Variants in ROBO1 observed in about 807,000 individuals in gnomAD.
ROBO1 encodes roundabout homolog 1.
Under a neutral mutation model 195.9 loss-of-function variants are expected in ROBO1, and 149 were observed. The ratio of observed to expected loss-of-function variants is 0.76; its 90% CI spans 0.67 to 0.87. The LOEUF (loss-of-function observed/expected upper bound fraction) is 0.87. Ranked by LOEUF, ROBO1 falls within the 40% of genes least tolerant of loss-of-function variation. The probability of loss-of-function intolerance (pLI) is 0.00; values close to 1 mark genes in which losing one functional copy is unlikely to be tolerated. For missense variants in ROBO1, 1,933 were observed against 2,068.3 expected, an observed-to-expected ratio of 0.93 and a Z score of 1.27; for synonymous variants, 816 against 733.2, an observed-to-expected ratio of 1.11 and a Z score of -1.82.
intron 4 of ROBO1, among the ~76,000 whole-genome samples, chr3:78,862,519 T>C (rs2034916063): frequency 6.6e-6 from 1 of 152,168 alleles, no homozygotes; most frequent in Non-Finnish European, 1.5e-5. Flanking sequence ...ATTAAGTTTG[T>C]GTTGTTTCAA....
chr3:79,181,839 T>C (rs1442686595), intron 2 of ROBO1, among the ~76,000 whole-genome samples: 1 of 151,456 alleles, frequency 6.6e-6, no homozygotes, highest in Non-Finnish European at 1.5e-5. Context: ...GATGGAAGGA[T>C]TGTTTGTGCC....
chr3:79,233,406 T>C (rs1223175454), intron 2 of ROBO1, among the ~76,000 whole-genome samples: 2 of 152,100 alleles, frequency 1.3e-5, no homozygotes, highest in African/African-American at 2.4e-5. Flanking sequence ...ATAATGTACA[T>C]TCAACAATGA....
At chr3:79,755,745 C>G (rs539002502) in intron 1 of ROBO1, among the ~76,000 whole-genome samples, 2 of 152,200 alleles carry the variant, frequency 1.3e-5, no homozygotes, top group African/African-American at 4.8e-5. Context: ...CTACAAGAAC[C>G]TTCCTTGTAC....
At chr3:79,362,198 G>A (rs1481478178) in intron 2 of ROBO1, among the ~76,000 whole-genome samples, 1 of 152,082 alleles carries the variant, frequency 6.6e-6, no homozygotes, top group Non-Finnish European at 1.5e-5. Flanking sequence ...AAAGATACAA[G>A]ACAGTAGCTT....
chr3:78,933,481 C>T (rs1050959834), intron 4 of ROBO1, among the ~76,000 whole-genome samples: 42 of 152,138 alleles, frequency 2.8e-4, no homozygotes, highest in African/African-American at 9.1e-4. Context: ...GATAATGTGC[C>T]TATACCTCAC....
chr3:79,315,611 G>A (rs2033695523), intron 2 of ROBO1, among the ~76,000 whole-genome samples: 1 of 152,186 alleles, frequency 6.6e-6, no homozygotes, highest in Non-Finnish European at 1.5e-5. Context: ...CAGTGACAGG[G>A]AGAAACGAGT....
chr3:79,491,948 C>G (rs1003848455), intron 2 of ROBO1, among the ~76,000 whole-genome samples: 1 of 151,896 alleles, frequency 6.6e-6, no homozygotes, highest in Non-Finnish European at 1.5e-5. Flanking sequence ...ATGCTTACAG[C>G]AGTAGTGTGA....
intron 3 of ROBO1, among the ~76,000 whole-genome samples, chr3:78,950,627 C>T (rs540204188): frequency 1.2e-3 from 175 of 151,124 alleles, no homozygotes; most frequent in Non-Finnish European, 1.7e-3. Context: ...CAAACCTGCA[C>T]ATTGTGCACA....
At chr3:79,094,813 G>A (rs2079537787) in intron 3 of ROBO1, among the ~76,000 whole-genome samples, 1 of 151,884 alleles carries the variant, frequency 6.6e-6, no homozygotes, top group Non-Finnish European at 1.5e-5. Context: ...GGATCCCCAA[G>A]TTACTCTTTT....
intron 5 of ROBO1, among the ~76,000 whole-genome samples, chr3:78,735,186 T>C (rs1204085913): frequency 1.3e-5 from 2 of 152,212 alleles, no homozygotes; most frequent in African/African-American, 4.8e-5. Flanking sequence ...TCCAAGTTAT[T>C]AAATTCAGTG....
At chr3:79,586,376 T>A (rs1309720406) in intron 2 of ROBO1, among the ~76,000 whole-genome samples, 1 of 151,862 alleles carries the variant, frequency 6.6e-6, no homozygotes. Context: ...GGTCAATGGA[T>A]GGGTGGGGCA....
chr3:79,219,110 TA>T (rs1462474699), intron 2 of ROBO1, among the ~76,000 whole-genome samples: 2 of 152,160 alleles, frequency 1.3e-5, no homozygotes, highest in East Asian at 3.9e-4. Flanking sequence ...TTAACATAGT[TA>T]TTTTTTAATT....
intron 1 of ROBO1, among the ~76,000 whole-genome samples, chr3:79,701,550 A>C (rs1947622599): frequency 6.6e-6 from 1 of 151,706 alleles, no homozygotes; most frequent in East Asian, 1.9e-4. Context: ...GCCCTTTGTC[A>C]GCCATTGTTA....
intron 27 of ROBO1, 130 bp from the exon 28 acceptor site, chr3:78,614,930 A>C: frequency 1.1e-6 from 1 of 935,688 alleles, no homozygotes; most frequent in Admixed American, 3.0e-5. Context: ...AAAAAAGCTT[A>C]AACAAACTCT....
chr3:78,696,412 C>A (rs1035145162), intron 8 of ROBO1, among the ~76,000 whole-genome samples: 4 of 151,906 alleles, frequency 2.6e-5, no homozygotes, highest in Non-Finnish European at 5.9e-5. Flanking sequence ...AAACAGAAAA[C>A]CTAAATTGTT....
At chr3:78,972,351 A>G (rs1003351432) in intron 3 of ROBO1, among the ~76,000 whole-genome samples, 1 of 152,218 alleles carries the variant, frequency 6.6e-6, no homozygotes, top group Non-Finnish European at 1.5e-5. Context: ...GTATAATCAT[A>G]ACATCATACC....
intron 2 of ROBO1, among the ~76,000 whole-genome samples, chr3:79,185,628 T>C (rs1182532559): frequency 1.3e-5 from 2 of 152,138 alleles, no homozygotes; most frequent in Non-Finnish European, 2.9e-5. Flanking sequence ...TTAAATCCTG[T>C]TAGATCAGTG....
At chr3:78,860,302 C>CTATATA (rs1200780060) in intron 4 of ROBO1, among the ~76,000 whole-genome samples, 3,387 of 104,480 alleles carry the variant, frequency 0.032, 128 homozygotes, top group Non-Finnish European at 0.039. Flanking sequence ...TTGAAATATA[C>CTATATA]TATATATATA....
chr3:78,746,852 A>G lies in ROBO1; in HGVS notation c.548T>C (p.Val183Ala). The change falls in exon 5 of 31, where the codon GTA (valine) becomes GCA (alanine). Residue 183 changes from valine to alanine, a missense_variant. Val to Ala is a moderately conservative substitution (Grantham distance 64). Around this residue, in one of 3 missense-constraint regions of ROBO1, gnomAD observed 1,737 missense variants for 1,882.5 expected, o/e 0.92. Transcript: ENST00000464233. ...GCATTCCATTACTGCAGGCTCTCCTACTGCAACCATGACATCCGAAGGGTT... is the reference window on the plus strand; with the variant it reads ...GCATTCCATTACTGCAGGCTCTCCTGCTGCAACCATGACATCCGAAGGGTT... ...RQNPSDVMVA[V>A]GEPAVMECQP... The G allele has an allele frequency of 1.3e-6, 2 of 1,593,278 alleles. No homozygotes were observed. Among genetic ancestry groups the G allele is most frequent in the Non-Finnish European group, 1.7e-6 (2 of 1,165,656 alleles).
Sources: allele counts gnomAD v4.1 joint callset (sites outside exome capture counted in the v4.1 genomes callset), GRCh38; gene constraint gnomAD v4.1.1; regional missense constraint gnomAD v4.1.1; transcripts MANE v1.5; gene names NCBI Gene and HGNC (gene_info 2026-07-23, HGNC 2026-07-21).